Variants in ARL13B observed in about 807,000 individuals in gnomAD.
ARL13B encodes ARF like GTPase 13B, also known as ADP-ribosylation factor-like protein 13B.
In ARL13B, 36 loss-of-function variants were observed where a neutral mutation model predicts 56.1. The ratio of observed to expected loss-of-function variants is 0.64; its 90% CI spans 0.49 to 0.85. ARL13B has a LOEUF of 0.85. Among genes scored for constraint, ARL13B ranks in the 40% least tolerant of loss-of-function variants. The pLI, the probability that ARL13B is intolerant of heterozygous loss-of-function variation, is 0.00. For synonymous variants in ARL13B, 178 were observed against 171.1 expected (o/e 1.04, Z -0.32); for missense variants, 519 against 507.1 (o/e 1.02, Z -0.23).
At position 94,000,639 on chromosome 3, in the gene ARL13B, A is replaced by G. The variant is rs181191001; in HGVS notation, c.131-3020A>G. The stretch of plus-strand genomic sequence containing the variant: ...TGTGTATGTGTGTGTGTGTGTGTGT[A>G]TATGTATATATATATATTTCCCCAA... On this transcript the variant is annotated intron_variant, in intron 2 of 9. Coordinates refer to ENST00000394222, the MANE Select transcript of ARL13B (RefSeq NM_001174150.2). 5.4e-3 allele frequency among the ~76,000 whole-genome samples: 817 copies of G among 151,702 alleles called. 4 individuals are homozygous for G. The highest frequency in any genetic ancestry group is 0.021 in the Middle Eastern group (6 of 292).
chr3:94,021,981 G>A (rs917199506), intron 3 of ARL13B, among the ~76,000 whole-genome samples: 5 of 151,842 alleles, frequency 3.3e-5, no homozygotes, highest in African/African-American at 7.3e-5. Flanking sequence ...CTTACCTGCC[G>A]TACCACATCC....
chr3:94,043,403 G>C (rs550772528), intron 7 of ARL13B, among the ~76,000 whole-genome samples, 163 bp downstream of exon 7: 47 of 151,120 alleles, frequency 3.1e-4, no homozygotes, highest in South Asian at 6.3e-4. Flanking sequence ...TTATTATTCA[G>C]TTTGTTCCTA....
intron 3 of ARL13B, among the ~76,000 whole-genome samples, chr3:94,028,870 G>C (rs1002014363): frequency 5.9e-5 from 9 of 152,042 alleles, no homozygotes; most frequent in African/African-American, 2.2e-4. Flanking sequence ...GGAATGAAAA[G>C]AAGCTTGGTG....
chr3:94,039,230 G>A (rs2076820742), intron 5 of ARL13B, among the ~76,000 whole-genome samples: 1 of 152,100 alleles, frequency 6.6e-6, no homozygotes, highest in African/African-American at 2.4e-5. Flanking sequence ...GCTGGGCGCG[G>A]TGGCTCACAC....
intron 3 of ARL13B, among the ~76,000 whole-genome samples, chr3:94,007,258 A>G (rs1302123449): frequency 6.6e-6 from 1 of 152,198 alleles, no homozygotes; most frequent in African/African-American, 2.4e-5. Context: ...TATAATCACA[A>G]AATTACAAAT....
intron 1 of ARL13B, among the ~76,000 whole-genome samples, chr3:93,980,934 TTAA>T (rs1219650501): frequency 1.3e-5 from 2 of 152,194 alleles, no homozygotes; most frequent in African/African-American, 2.4e-5. Context: ...GCTCCACTAC[TTAA>T]TAATTACATG....
chr3:94,050,882 A>G lies in ARL13B; in HGVS notation c.1200A>G (p.Thr400=). Residue 400 remains threonine, a synonymous_variant, in exon 9 of 10, where the codon ACA becomes ACG. Coordinates refer to ENST00000394222, the MANE Select transcript of ARL13B (RefSeq NM_001174150.2). ...CAAAACTTGAGCCTCTTGGTGAAAC[A>G]CATCATAATGGTAATGCAAAAGGAT... ...RLPKLEPLGE[T]HHNDFYRKPL... The G allele has an allele frequency of 6.2e-7, 1 of 1,613,086 alleles. No homozygotes were observed. Among genetic ancestry groups the G allele is most frequent in the South Asian group, 1.1e-5 (1 of 91,074 alleles).
chr3:94,045,826 C>G (rs1386383738), intron 7 of ARL13B, among the ~76,000 whole-genome samples: 1 of 151,302 alleles, frequency 6.6e-6, no homozygotes, highest in Non-Finnish European at 1.5e-5. Context: ...TGGTGGGCGC[C>G]TGTGGTCCCA....
At chr3:94,031,442 A>G (rs2076676059) in intron 3 of ARL13B, among the ~76,000 whole-genome samples, 1 of 152,144 alleles carries the variant, frequency 6.6e-6, no homozygotes, top group Admixed American at 6.5e-5. Context: ...GGGGAAATGG[A>G]TGATTGCAAG....
chr3:93,994,952 G>A (rs187280840), intron 1 of ARL13B, among the ~76,000 whole-genome samples: 1 of 152,260 alleles, frequency 6.6e-6, no homozygotes, highest in Non-Finnish European at 1.5e-5. Context: ...TACTCCATAG[G>A]AGATTGGCCA....
chr3:94,029,481 G>C (rs2076636385), intron 3 of ARL13B, among the ~76,000 whole-genome samples: 1 of 150,428 alleles, frequency 6.6e-6, no homozygotes, highest in Non-Finnish European at 1.5e-5. Context: ...ATAAGTAGCT[G>C]GGATTACAGT....
chr3:94,036,543 C>T lies in ARL13B; in HGVS notation c.487-9C>T, dbSNP rs1394028422. The T allele has an allele frequency of 6.2e-7, 1 of 1,613,368 alleles. No homozygotes were observed. Reference sequence around the variant, plus strand: ...TTTAATCTTTTAGTCAAATAAATTTCTGTTTTAGGAACCATGTTCAGCAAT... The same window carrying T: ...TTTAATCTTTTAGTCAAATAAATTTTTGTTTTAGGAACCATGTTCAGCAAT... On this transcript the variant is annotated splice_polypyrimidine_tract_variant and intron_variant, in intron 4 of 9. Transcript: ENST00000394222.
chr3:94,029,351 T>TTA (rs1456004665), intron 3 of ARL13B, among the ~76,000 whole-genome samples: 1,204 of 114,496 alleles, frequency 0.011, 25 homozygotes, highest in Non-Finnish European at 0.017. Flanking sequence ...TTTTTTTTAT[T>TTA]TTTTTTTTTT....
chr3:94,037,836 T>C (rs919496799), intron 5 of ARL13B, among the ~76,000 whole-genome samples: 1 of 152,164 alleles, frequency 6.6e-6, no homozygotes, highest in Non-Finnish European at 1.5e-5. Context: ...ACTTTTTAAA[T>C]GTTTTTGCCT....
Position 94,003,822 on chromosome 3 carries a change from C to T in ARL13B, c.294C>T (p.Ser98=). 6.2e-7 allele frequency: 1 copy of T among 1,613,438 alleles called. No individual in the cohort carries two copies. The highest frequency in any genetic ancestry group is 8.5e-7 in the Non-Finnish European group (1 of 1,179,698). ...ESYGVIFVVD[S]SDEERMEETK... ...ATGGGGTAATATTTGTTGTGGATTC[C>T]AGTGATGAAGAGAGAATGGAAGAGA... Residue 98 remains serine, a synonymous_variant, in exon 3 of 10, where the codon TCC becomes TCT. Coordinates refer to ENST00000394222, the MANE Select transcript of ARL13B (RefSeq NM_001174150.2).
chr3:94,017,415 T>A (rs2076356286), intron 3 of ARL13B, among the ~76,000 whole-genome samples: 1 of 152,198 alleles, frequency 6.6e-6, no homozygotes, highest in Non-Finnish European at 1.5e-5. Context: ...GAGTTTGCCA[T>A]CACTGGACAT....
chr3:94,049,276 A>C (rs572597007), intron 7 of ARL13B, 130 bp from the exon 8 acceptor site: 36 of 546,596 alleles, frequency 6.6e-5, no homozygotes, highest in African/African-American at 6.3e-4. Context: ...TTATTGTAAC[A>C]ATTTCCAAAG....
intron 7 of ARL13B, among the ~76,000 whole-genome samples, chr3:94,046,039 C>G (rs933092678): frequency 1.4e-5 from 2 of 147,938 alleles, no homozygotes; most frequent in African/African-American, 2.5e-5. Context: ...AGAGGATAGA[C>G]ACAGAGATCA....
intron 3 of ARL13B, among the ~76,000 whole-genome samples, chr3:94,034,231 A>C (rs1047368609): frequency 4.6e-5 from 7 of 151,048 alleles, no homozygotes; most frequent in African/African-American, 1.7e-4. Context: ...TGGGAAATAC[A>C]AAAAAAAAGA....
Sources: gnomAD v4.1 joint callset for allele counts (sites outside exome capture counted in the v4.1 genomes callset) on GRCh38, gnomAD v4.1.1 for gene constraint, MANE v1.5 for transcripts, NCBI Gene and HGNC (gene_info 2026-07-23, HGNC 2026-07-21) for gene names.